The following PRELID2 variants were observed in gnomAD, a reference collection of about 807,000 sequenced individuals.
PRELID2 encodes PRELI domain-containing protein 2.
A neutral mutation model predicts 28.4 loss-of-function variants in PRELID2; 25 were observed. That is an observed-to-expected ratio of 0.88 (90% CI 0.64 to 1.23). The LOEUF (loss-of-function observed/expected upper bound fraction) is 1.23. Among genes scored for constraint, PRELID2 ranks in the 50% most tolerant of loss-of-function variants. The pLI is 0.00. For synonymous variants in PRELID2, 76 were observed against 71.6 expected (o/e 1.06, Z -0.31); for missense variants, 201 against 214.4 (o/e 0.94, Z 0.39).
the PRELID2 span, among the ~76,000 whole-genome samples, chr5:145,428,312 A>G: frequency 1.3e-5 from 2 of 152,110 alleles, no homozygotes; most frequent in African/African-American, 4.8e-5. Context: ...AGTTGCAATG[A>G]TCTTCCAGAT....
chr5:145,806,814 A>G (rs941138302), intron 4 of PRELID2, among the ~76,000 whole-genome samples: 5 of 151,980 alleles, frequency 3.3e-5, no homozygotes, highest in Non-Finnish European at 7.4e-5. Context: ...CCTGCACTCT[A>G]TCTCTCTCCC....
At chr5:145,354,420 T>C in the PRELID2 span, among the ~76,000 whole-genome samples, 2 of 152,306 alleles carry the variant, frequency 1.3e-5, no homozygotes, top group South Asian at 4.1e-4. Flanking sequence ...TCAGGATCCA[T>C]AGAAGATGGG....
chr5:145,388,415 T>C, the PRELID2 span, among the ~76,000 whole-genome samples: 4 of 152,158 alleles, frequency 2.6e-5, no homozygotes, highest in Non-Finnish European at 4.4e-5. Flanking sequence ...TTGATAATGA[T>C]ATTTCTTTGT....
At chr5:145,653,413 C>G (rs1205397502) in intron 1 of PRELID2, among the ~76,000 whole-genome samples, 2 of 152,200 alleles carry the variant, frequency 1.3e-5, no homozygotes, top group Non-Finnish European at 2.9e-5. Flanking sequence ...TAGACATCTA[C>G]AGAACTCTCC....
chr5:145,686,170 C>T (rs901686143), intron 1 of PRELID2, among the ~76,000 whole-genome samples: 1 of 152,184 alleles, frequency 6.6e-6, no homozygotes, highest in Non-Finnish European at 1.5e-5. Context: ...ACATGCCTTC[C>T]TGTAGCATCC....
intron 1 of PRELID2, among the ~76,000 whole-genome samples, chr5:145,670,315 A>G (rs148789894): frequency 8.9e-4 from 135 of 152,192 alleles, no homozygotes; most frequent in Admixed American, 2.7e-3. Flanking sequence ...TCACAGAGAC[A>G]AAGAGTGAGA....
At chr5:145,316,375 C>T in the PRELID2 span, among the ~76,000 whole-genome samples, 1 of 152,180 alleles carries the variant, frequency 6.6e-6, no homozygotes, top group African/African-American at 2.4e-5. Context: ...TCACTGTCCT[C>T]ATTCACATAA....
intron 1 of PRELID2, among the ~76,000 whole-genome samples, chr5:145,632,579 T>C (rs758568619): frequency 6.6e-6 from 1 of 152,132 alleles, no homozygotes; most frequent in Non-Finnish European, 1.5e-5. Context: ...AATGTACCCA[T>C]TTTGCAAATT....
At chr5:145,330,090 C>T in the PRELID2 span, among the ~76,000 whole-genome samples, 35,365 of 151,938 alleles carry the variant, frequency 0.23, 4,286 homozygotes, top group Middle Eastern at 0.3. Flanking sequence ...GATTTGTGTA[C>T]GTTGAACCAG....
Position 145,511,089 on chromosome 5 carries a change from C to G in PRELID2, n.71-37774G>C, listed in dbSNP as rs181141030. ...ATGTCAGTCATGTCGCCTCTTGATT[C>G]AGAAGGGTAATGATGTCAATCTCTA... On this transcript the variant is annotated intron_variant and non_coding_transcript_variant, in intron 1 of 2. Transcript: ENST00000510259. Among the ~76,000 whole-genome samples, 17 of 152,286 alleles carry G rather than the reference C, an allele frequency of 1.1e-4. No homozygotes were observed. In the East Asian group the frequency reaches 3.3e-3, roughly 29 times the overall value.
chr5:145,588,607 T>C (rs1753185075), intron 1 of PRELID2, among the ~76,000 whole-genome samples: 1 of 152,152 alleles, frequency 6.6e-6, no homozygotes, highest in African/African-American at 2.4e-5. Context: ...ATTAAGATAA[T>C]TGAGAGAGGG....
chr5:145,296,441 G>A, the PRELID2 span, among the ~76,000 whole-genome samples: 11 of 148,820 alleles, frequency 7.4e-5, no homozygotes, highest in Non-Finnish European at 1.3e-4. Context: ...AATATGCGGT[G>A]TTTGGTTTTT....
chr5:145,476,237 C>G (rs1355668431), intron 1 of PRELID2, among the ~76,000 whole-genome samples: 1 of 152,158 alleles, frequency 6.6e-6, no homozygotes, highest in Non-Finnish European at 1.5e-5. Context: ...CCCATTTATT[C>G]TAGTCACAAT....
intron 1 of PRELID2, among the ~76,000 whole-genome samples, chr5:145,627,461 A>AT (rs2149656188): frequency 6.6e-6 from 1 of 152,272 alleles, no homozygotes; most frequent in Admixed American, 6.5e-5. Context: ...TTCACATAAC[A>AT]TAACTGCACT....
intron 1 of PRELID2, among the ~76,000 whole-genome samples, chr5:145,610,189 C>T (rs1753591862): frequency 6.6e-6 from 1 of 152,194 alleles, no homozygotes; most frequent in South Asian, 2.1e-4. Flanking sequence ...CTCTCACTCA[C>T]ACCCTTTCCC....
At chr5:145,540,952 G>A (rs1752740358) in intron 1 of PRELID2, among the ~76,000 whole-genome samples, 1 of 151,866 alleles carries the variant, frequency 6.6e-6, no homozygotes, top group Admixed American at 6.6e-5. Context: ...TTTTTAAACT[G>A]GAAAGTATTT....
At chr5:145,599,559 C>G (rs1561515479) in intron 1 of PRELID2, among the ~76,000 whole-genome samples, 1 of 152,240 alleles carries the variant, frequency 6.6e-6, no homozygotes, top group East Asian at 1.9e-4. Flanking sequence ...TGGACTGTTT[C>G]TGTCTTACGC....
chr5:145,369,883 CT>C, the PRELID2 span, among the ~76,000 whole-genome samples: 1 of 150,934 alleles, frequency 6.6e-6, no homozygotes, highest in Non-Finnish European at 1.5e-5. Flanking sequence ...TGATGTTGAG[CT>C]TTTTTTTCAC....
intron 1 of PRELID2, among the ~76,000 whole-genome samples, chr5:145,588,410 A>G (rs1442703178): frequency 6.6e-6 from 1 of 152,016 alleles, no homozygotes; most frequent in South Asian, 2.1e-4. Context: ...GAAAACTCCT[A>G]TTCCCTCAAG....
Sources: gnomAD v4.1 joint callset for allele counts (sites outside exome capture counted in the v4.1 genomes callset) on GRCh38, gnomAD v4.1.1 for gene constraint, MANE v1.5 for transcripts, NCBI Gene and HGNC (gene_info 2026-07-23, HGNC 2026-07-21) for gene names.